PRKCB: variants seen among roughly 807,000 people sequenced by gnomAD.
The protein encoded by PRKCB is protein kinase C beta, also known as protein kinase C beta type.
PRKCB carries 13 observed loss-of-function variants against 81.5 expected under a neutral mutation model. The observed-to-expected ratio is 0.16, with a 90% CI of 0.10 to 0.25. The LOEUF (loss-of-function observed/expected upper bound fraction) is 0.25. PRKCB is among the 10% of genes least tolerant of loss of function. The pLI is 1.00. For missense variants in PRKCB, 509 were observed against 875.7 expected (o/e 0.58, Z 5.29); for synonymous variants, 335 against 321.4 (o/e 1.04, Z -0.45).
chr16:24,123,920 A>G lies in PRKCB; in HGVS notation c.1004A>G (p.Asp335Gly). The change falls in exon 9 of 17, where the codon GAC (aspartate) becomes GGC (glycine). Residue 335 changes from aspartate (D) to glycine (G), a missense_variant. Physicochemically the swap from Asp to Gly is moderately conservative, Grantham distance 94. This residue lies in a region of PRKCB where 80 missense variants were observed against 89.4 expected (regional missense o/e 0.90). Transcript: ENST00000643927. Reference sequence around the variant, plus strand: ...AAATTTGACAACAATGGCAACAGAGACCGGATGAAACTGACCGATTTTAAC... The same window carrying G: ...AAATTTGACAACAATGGCAACAGAGGCCGGATGAAACTGACCGATTTTAAC... The part of the protein sequence containing the change: ...VSKFDNNGNR[D>G]RMKLTDFNFL... 6.2e-7 allele frequency: 1 copy of G among 1,614,170 alleles called. No homozygotes were observed. The highest frequency in any genetic ancestry group is 8.5e-7 in the Non-Finnish European group (1 of 1,180,012).
intron 2 of PRKCB, among the ~76,000 whole-genome samples, chr16:23,870,823 T>C (rs1444865713): frequency 6.6e-6 from 1 of 152,216 alleles, no homozygotes; most frequent in African/African-American, 2.4e-5. Flanking sequence ...CACTCTAGTC[T>C]ACAGATCAGC....
intron 2 of PRKCB, among the ~76,000 whole-genome samples, chr16:23,980,982 G>T (rs1964692988): frequency 6.6e-6 from 1 of 151,778 alleles, no homozygotes; most frequent in African/African-American, 2.4e-5. Context: ...CAAGCTTTTG[G>T]CTACAGTCTA....
intron 2 of PRKCB, among the ~76,000 whole-genome samples, chr16:23,882,021 T>TCTTTCTTTCTTTCTTTCTTCCTTC: frequency 3.6e-5 from 2 of 55,590 alleles, no homozygotes; most frequent in African/African-American, 5.9e-5. Context: ...TTTCTTTCTT[T>TCTTTCTTTCTTTCTTTCTTCCTTC]CTTCCTTCCT....
intron 9 of PRKCB, among the ~76,000 whole-genome samples, chr16:24,137,856 T>C (rs1966870264): frequency 6.6e-6 from 1 of 152,222 alleles, no homozygotes; most frequent in South Asian, 2.1e-4. Context: ...ATGGTACCTA[T>C]GATTATTCAT....
At chr16:24,052,371 A>G (rs896349026) in intron 5 of PRKCB, among the ~76,000 whole-genome samples, 1 of 152,174 alleles carries the variant, frequency 6.6e-6, no homozygotes, top group Non-Finnish European at 1.5e-5. Context: ...AACCCAAGAG[A>G]GGTTCTTAGG....
intron 2 of PRKCB, among the ~76,000 whole-genome samples, chr16:23,843,198 T>C (rs1962296732): frequency 1.3e-5 from 2 of 152,314 alleles, no homozygotes; most frequent in Admixed American, 1.3e-4. Flanking sequence ...CCCATGCACT[T>C]CAGGTTGAAT....
chr16:23,889,471 C>T (rs1048422607), intron 2 of PRKCB, among the ~76,000 whole-genome samples: 2 of 152,228 alleles, frequency 1.3e-5, no homozygotes, highest in South Asian at 2.1e-4. Flanking sequence ...CATCTACTCA[C>T]CTGTTTATCA....
chr16:24,188,388 A>G (rs1967737382), intron 15 of PRKCB, among the ~76,000 whole-genome samples: 1 of 152,194 alleles, frequency 6.6e-6, no homozygotes, highest in Non-Finnish European at 1.5e-5. Context: ...CCAGCTGTCT[A>G]CATGGCTTCG....
At chr16:24,165,025 G>A (rs934262208) in intron 10 of PRKCB, among the ~76,000 whole-genome samples, 10 of 152,062 alleles carry the variant, frequency 6.6e-5, no homozygotes, top group Non-Finnish European at 1.3e-4. Context: ...TTCTTTTATC[G>A]CATTCTATTT....
intron 12 of PRKCB, among the ~76,000 whole-genome samples, chr16:24,176,456 C>T (rs533240059): frequency 2.6e-5 from 4 of 152,158 alleles, no homozygotes; most frequent in Non-Finnish European, 4.4e-5. Context: ...GATCATTCTG[C>T]CCATGCCCAT....
At chr16:23,886,839 C>T (rs1963211620) in intron 2 of PRKCB, among the ~76,000 whole-genome samples, 1 of 152,178 alleles carries the variant, frequency 6.6e-6, no homozygotes, top group African/African-American at 2.4e-5. Flanking sequence ...GTAGCAGCCA[C>T]AGACCCTCTC....
In PRKCB at chr16:23,867,229, G is replaced by A. The variant is rs745992103; in HGVS notation, c.205+29823G>A. On this transcript the variant is annotated intron_variant, in intron 2 of 16. Coordinates refer to ENST00000643927, the MANE Select transcript of PRKCB (RefSeq NM_002738.7). ...CAACCTCCGCCTCCCAGGTTCAAGC[G>A]ATTCTCCTGCCTTAGCCTCCTTAGT... Among the ~76,000 whole-genome samples the A allele has an allele frequency of 3.3e-5, 5 of 152,036 alleles. No individual in the cohort carries two copies. In the South Asian group the frequency reaches 6.2e-4, roughly 19 times the overall value.
At chr16:24,021,246 CCTT>C in intron 3 of PRKCB, among the ~76,000 whole-genome samples, 1 of 102,322 alleles carries the variant, frequency 9.8e-6, no homozygotes, top group Non-Finnish European at 1.8e-5. Context: ...TTCCTTCCTT[CCTT>C]CTTCCTTTCT....
intron 2 of PRKCB, among the ~76,000 whole-genome samples, chr16:23,941,702 G>A (rs1964142591): frequency 6.6e-6 from 1 of 152,096 alleles, no homozygotes. Flanking sequence ...TTTGTTCTTG[G>A]TGAAAATTCT....
intron 10 of PRKCB, among the ~76,000 whole-genome samples, chr16:24,165,812 C>G (rs1465597155): frequency 7.0e-6 from 1 of 143,448 alleles, no homozygotes; most frequent in South Asian, 2.3e-4. Flanking sequence ...AATAAAAATA[C>G]TTTTAAAATA....
At chr16:24,177,717 T>G (rs1340725961) in intron 12 of PRKCB, among the ~76,000 whole-genome samples, 1 of 152,148 alleles carries the variant, frequency 6.6e-6, no homozygotes, top group East Asian at 1.9e-4. Flanking sequence ...TAGGGCTTCG[T>G]GGAACAAGGG....
intron 8 of PRKCB, among the ~76,000 whole-genome samples, chr16:24,113,470 CTTCTTCCT>C (rs746969843): frequency 2.0e-4 from 29 of 147,386 alleles, no homozygotes; most frequent in Admixed American, 3.4e-4. Context: ...TCTCTCCTTC[CTTCTTCCT>C]TTCTTCCTTC....
At chr16:24,142,564 T>A (rs1407428867) in intron 9 of PRKCB, among the ~76,000 whole-genome samples, 1 of 152,172 alleles carries the variant, frequency 6.6e-6, no homozygotes, top group Non-Finnish European at 1.5e-5. Flanking sequence ...CTCCCAATGT[T>A]TAGAAGGTTC....
chr16:24,099,609 T>C (rs372093963), intron 7 of PRKCB: 5 of 152,324 alleles, frequency 3.3e-5, no homozygotes, highest in East Asian at 3.9e-4. Flanking sequence ...GCTTATGGGT[T>C]ATAGGAGATT....
Sources: gnomAD v4.1 joint callset for allele counts (sites outside exome capture counted in the v4.1 genomes callset) on GRCh38, gnomAD v4.1.1 for gene constraint, gnomAD v4.1.1 regional missense constraint, MANE v1.5 for transcripts, NCBI Gene and HGNC (gene_info 2026-07-23, HGNC 2026-07-21) for gene names.